Variants in PAN2 observed in about 807,000 individuals in gnomAD.
PAN2 encodes the protein poly(A) specific ribonuclease subunit PAN2, also known as PAN2-PAN3 deadenylation complex catalytic subunit PAN2.
PAN2 carries 68 observed loss-of-function variants against 133.3 expected under a neutral mutation model. That is an observed-to-expected ratio of 0.51 (90% CI 0.42 to 0.62). The LOEUF (loss-of-function observed/expected upper bound fraction) is 0.62. Among genes scored for constraint, PAN2 ranks in the 20% least tolerant of loss-of-function variants. The pLI, the probability that PAN2 is intolerant of heterozygous loss-of-function variation, is 0.00. For synonymous variants in PAN2, 462 were observed against 544.6 expected (o/e 0.85, Z 2.11); for missense variants, 1,042 against 1,500.5 (o/e 0.69, Z 5.05).
chr12:56,324,104 G>A lies in PAN2; in HGVS notation c.2010C>T (p.Gly670=). 1 of 1,614,120 alleles carries A rather than the reference G, an allele frequency of 6.2e-7. No homozygotes were observed. The highest frequency in any genetic ancestry group is 1.1e-5 in the South Asian group (1 of 91,088). The change falls in exon 13 of 26, where the codon GGC becomes GGT. Residue 670 remains glycine, a synonymous_variant. Transcript: ENST00000440411. ...EMENCSLCRC[G]SETVRASSTL... is the part of the protein sequence containing the mutation. ...TGGATGAGGCTCGCACGGTCTCACT[G>A]CCACAGCGGCAGAGGCTGCAGTTCT...
Position 56,328,227 on chromosome 12 carries a change from C to T in PAN2, c.573+11G>A. The T allele has an allele frequency of 6.3e-7, 1 of 1,585,410 alleles. No homozygotes were observed. Among genetic ancestry groups the T allele is most frequent in the Non-Finnish European group, 8.6e-7 (1 of 1,163,412 alleles). ...GACCCCACATAGGTCTTTCTTGCCCCAAGCTTGTACCTTCTGAGTCTCCTG... is the reference window on the plus strand; with the variant it reads ...GACCCCACATAGGTCTTTCTTGCCCTAAGCTTGTACCTTCTGAGTCTCCTG... On this transcript the variant is annotated intron_variant, in intron 4 of 25. Coordinates refer to ENST00000440411, the MANE Select transcript of PAN2 (RefSeq NM_014871.6).
Position 56,319,173 on chromosome 12 carries a change from C to T in PAN2, c.3279G>A (p.Lys1093=). ...GGTAGACAGTGTCAAGGACTTGGTC[C>T]TTGGGCACCTGGCAAGGATAAAAGA... ...DFRVINLMVP[K]DQVLDTVYLF... is the part of the protein sequence containing the mutation. The change falls in exon 24 of 26, where the codon AAG becomes AAA. Residue 1093 remains lysine (K), a synonymous_variant. Transcript: ENST00000440411. This position sits in a 1 kb window ranked among gnomAD's most constrained non-coding sequence, Gnocchi z 5.4. The T allele has an allele frequency of 6.2e-7, 1 of 1,614,038 alleles. No individual in the cohort carries two copies. The highest frequency in any genetic ancestry group is 8.5e-7 in the Non-Finnish European group (1 of 1,179,964).
chr12:56,331,105 T>C (rs1875789753), intron 2 of PAN2, among the ~76,000 whole-genome samples: 1 of 152,172 alleles, frequency 6.6e-6, no homozygotes, highest in Non-Finnish European at 1.5e-5. Context: ...CAGCCAGCAT[T>C]TTTCTTAACA....
chr12:56,324,940 G>C (rs568949301), intron 10 of PAN2, 69 bp downstream of exon 10: 2 of 1,568,600 alleles, frequency 1.3e-6, no homozygotes, highest in Non-Finnish European at 1.7e-6. Flanking sequence ...GGAAAGAGCA[G>C]GGTCGAGAGC....
At chr12:56,322,991 C>T in intron 17 of PAN2, 71 bp downstream of exon 17, 1 of 1,579,342 alleles carries the variant, frequency 6.3e-7, no homozygotes. Flanking sequence ...TTCACCTTCC[C>T]CTGCCCTCCT....
intron 6 of PAN2, 55 bp from the exon 7 acceptor site, chr12:56,327,014 C>G: frequency 2.7e-5 from 38 of 1,409,672 alleles, no homozygotes; most frequent in Non-Finnish European, 3.6e-5. Context: ...GAGCCATATT[C>G]TTATGCCCTT....
intron 10 of PAN2, 37 bp from the exon 11 acceptor site, chr12:56,324,746 G>A (rs1565634579): frequency 1.3e-6 from 2 of 1,593,490 alleles, no homozygotes; most frequent in Non-Finnish European, 1.7e-6. Flanking sequence ...GTAGGAAACT[G>A]GCCTGGGGGT....
rs772189173 is a variant in PAN2 at position 56,333,070 on chromosome 12, C to T, written c.25G>A (p.Gly9Arg). 6.2e-7 allele frequency: 1 copy of T among 1,614,096 alleles called. No individual in the cohort carries two copies. Among genetic ancestry groups the T allele is most frequent in the South Asian group, 1.1e-5 (1 of 91,078 alleles). MNFEGLDP[G>R]LAEYAPAMHS... Reference sequence around the variant, plus strand: ...ATGGCTGGGGCATATTCTGCCAGTCCAGGGTCCAGACCCTCAAAGTTCATG... The same window carrying T: ...ATGGCTGGGGCATATTCTGCCAGTCTAGGGTCCAGACCCTCAAAGTTCATG... The change falls in exon 2 of 26, where the codon GGA becomes AGA. Residue 9 changes from glycine to arginine, a missense_variant. Gly to Arg is a moderately radical substitution (Grantham distance 125). Transcript: ENST00000440411.
Position 56,328,455 on chromosome 12 carries a change from G to A in PAN2, c.452+17C>T. 1 of 1,613,570 alleles carries A rather than the reference G, an allele frequency of 6.2e-7. No homozygotes were observed. The highest frequency in any genetic ancestry group is 8.5e-7 in the Non-Finnish European group (1 of 1,179,660). ...GAGGCATCCTCGTTCCTAGTCCAGA[G>A]CTGAGAAGCCACTTACAGGTAATCA... On this transcript the variant is annotated intron_variant, in intron 3 of 25. Coordinates refer to ENST00000440411, the MANE Select transcript of PAN2 (RefSeq NM_014871.6).
At position 56,317,448 on chromosome 12, in the gene PAN2, G is replaced by A; in HGVS notation, c.*161C>T. 2 of 647,680 alleles carry A rather than the reference G, an allele frequency of 3.1e-6. No individual in the cohort carries two copies. The highest frequency in any genetic ancestry group is 1.8e-5 in the South Asian group (1 of 54,646). 40.1% of individuals were successfully genotyped at this position (647,680 alleles called of 1,614,324 possible). A position where few individuals can be genotyped will look rare whatever the true frequency, so the allele number is the denominator to read the frequency against. ...CTCCTAGAACCTTTGCAACAATTCT[G>A]CTGTGTTCCAGTTCAATTAATAGCA... On this transcript the variant is annotated 3_prime_UTR_variant, in exon 26 of 26. Coordinates refer to ENST00000440411, the MANE Select transcript of PAN2 (RefSeq NM_014871.6).
Position 56,319,564 on chromosome 12 carries a change from T to G in PAN2, c.3090+57A>C. 1 of 1,589,524 alleles carries G rather than the reference T, an allele frequency of 6.3e-7. No individual in the cohort carries two copies. The highest frequency in any genetic ancestry group is 1.2e-5 in the South Asian group (1 of 86,794). Reference sequence around the variant, plus strand: ...CCCCTATCACTCTTCCCTGGGTTCTTGAGCACTGTAAGTAAGCACCAGGGT... The same window carrying G: ...CCCCTATCACTCTTCCCTGGGTTCTGGAGCACTGTAAGTAAGCACCAGGGT... On this transcript the variant is annotated intron_variant, in intron 22 of 25. Transcript: ENST00000440411. This position sits in a 1 kb window ranked among gnomAD's most constrained non-coding sequence, Gnocchi z 5.4.
intron 17 of PAN2, 94 bp downstream of exon 17, chr12:56,322,968 C>T (rs994628703): frequency 6.7e-7 from 1 of 1,485,194 alleles, no homozygotes; most frequent in Non-Finnish European, 9.3e-7. Flanking sequence ...TCTTCCTTTT[C>T]CCTCTGCTAA....
At chr12:56,328,902 T>A (rs1875419492) in intron 2 of PAN2, among the ~76,000 whole-genome samples, 1 of 152,236 alleles carries the variant, frequency 6.6e-6, no homozygotes, top group Non-Finnish European at 1.5e-5. Context: ...CCCTGCTGAA[T>A]AGGTAATGGC....
chr12:56,324,233 CT>C, intron 12 of PAN2, 48 bp from the exon 13 acceptor site: 2 of 1,611,354 alleles, frequency 1.2e-6, no homozygotes, highest in Admixed American at 1.7e-5. Context: ...GTTAGGAGAC[CT>C]TTTAAATCAC....
rs371114875 is a variant in PAN2, at chr12:56,319,095, G to A, written c.3357C>T (p.Tyr1119=). The change falls in exon 24 of 26, where the codon TAC becomes TAT. Residue 1119 remains tyrosine (Y), a synonymous_variant. Transcript: ENST00000440411. This position sits in a 1 kb window ranked among gnomAD's most constrained non-coding sequence, Gnocchi z 5.4. ...RMISLRFLAW[Y]FLDLKIQGET... ...CAAGGCAGAGCAACTCACCCAGAAA[G>A]TACCAAGCAAGGAATCGCAGGGAAA... 12 of 1,613,930 alleles carry A rather than the reference G, an allele frequency of 7.4e-6. No homozygotes were observed. Among genetic ancestry groups the A allele is most frequent in the Non-Finnish European group, 9.3e-6 (11 of 1,179,982 alleles).
At position 56,324,076 on chromosome 12, in the gene PAN2, G is replaced by A. The variant is rs763631694; in HGVS notation, c.2038C>T (p.Leu680=). The A allele has an allele frequency of 1.9e-6, 3 of 1,614,096 alleles. No individual in the cohort carries two copies. In the African/African-American group the frequency reaches 4.0e-5, roughly 22 times the overall value. ...GSETVRASST[L]LFTLSYPDDK... is the part of the protein sequence containing the mutation. ...TCAGGGTAGGAGAGTGTGAAAAGCA[G>A]AGTGGATGAGGCTCGCACGGTCTCA... Residue 680 remains leucine, a synonymous_variant, in exon 13 of 26, where the codon CTG becomes TTG. Coordinates refer to ENST00000440411, the MANE Select transcript of PAN2 (RefSeq NM_014871.6).
rs763929798 is a variant in PAN2, at chr12:56,323,292, C to T, written c.2345+19G>A. 6.2e-7 allele frequency: 1 copy of T among 1,614,084 alleles called. No individual in the cohort carries two copies. The highest frequency in any genetic ancestry group is 1.1e-5 in the South Asian group (1 of 91,046). On this transcript the variant is annotated intron_variant, in intron 16 of 25. Coordinates refer to ENST00000440411, the MANE Select transcript of PAN2 (RefSeq NM_014871.6). The stretch of plus-strand genomic sequence containing the variant: ...ACTGGGCAATTCAATCCTTTGACAA[C>T]TCCCAAGACAGCACCTACCAATCAG...
intron 2 of PAN2, 158 bp downstream of exon 2, chr12:56,332,655 C>G: frequency 1.5e-6 from 1 of 684,690 alleles, no homozygotes; most frequent in Middle Eastern, 3.8e-4. Context: ...TCATTTACTC[C>G]TAGATCCTAG....
In PAN2 at chr12:56,324,091, G is replaced by C. The variant is rs766904646; in HGVS notation, c.2023C>G (p.Arg675Gly). ...GTGAAAAGCAGAGTGGATGAGGCTC[G>C]CACGGTCTCACTGCCACAGCGGCAG... ...SLCRCGSETV[R>G]ASSTLLFTLS... Residue 675 changes from arginine to glycine, a missense_variant, in exon 13 of 26, where the codon CGA becomes GGA. Physicochemically the swap from Arg to Gly is moderately radical, Grantham distance 125. Transcript: ENST00000440411. 6.2e-7 allele frequency: 1 copy of C among 1,614,102 alleles called. No individual in the cohort carries two copies. Among genetic ancestry groups the C allele is most frequent in the Non-Finnish European group, 8.5e-7 (1 of 1,180,008 alleles).
Sources: allele counts gnomAD v4.1 joint callset (sites outside exome capture counted in the v4.1 genomes callset), GRCh38; gene constraint gnomAD v4.1.1; non-coding constraint Gnocchi (gnomAD v3.1); transcripts MANE v1.5; gene names NCBI Gene and HGNC (gene_info 2026-07-23, HGNC 2026-07-21).